The following OSGIN1 variants were observed in gnomAD, a reference collection of about 807,000 sequenced individuals.
OSGIN1 encodes the protein oxidative stress induced growth inhibitor 1.
OSGIN1 carries 19 observed loss-of-function variants against 20.1 expected under a neutral mutation model. The observed-to-expected ratio is 0.95, with a 90% confidence interval of 0.66 to 1.39. The LOEUF is 1.39. Among genes scored for constraint, OSGIN1 ranks in the 40% most tolerant of loss-of-function variants. The pLI is 0.00. For synonymous variants in OSGIN1, 368 were observed against 297.8 expected (o/e 1.24, Z -2.43); for missense variants, 820 against 653.0 (o/e 1.26, Z -2.79).
At chr16:83,956,126 A>G (rs1908915147) in intron 1 of OSGIN1, among the ~76,000 whole-genome samples, 1 of 152,202 alleles carries the variant, frequency 6.6e-6, no homozygotes, top group African/African-American at 2.4e-5. Flanking sequence ...TGCAAACTGT[A>G]GAGTGCTCTG....
Position 83,965,365 on chromosome 16 carries a change from C to A in OSGIN1, c.792C>A (p.Phe264Leu). The change falls in exon 6 of 6, where the codon TTC becomes TTA. Residue 264 changes from phenylalanine (F) to leucine (L), a missense_variant. Phe to Leu is a conservative substitution (Grantham distance 22). Transcript: ENST00000393306. The part of the protein sequence containing the change: ...RLGIPGEALP[F>L]IHHELSALEA... ...GCATCCCCGGGGAGGCCCTGCCCTT[C>A]ATCCACCATGAGCTGTCTGCCCTGG... 6.4e-7 allele frequency: 1 copy of A among 1,572,236 alleles called. No homozygotes were observed. The highest frequency in any genetic ancestry group is 8.6e-7 in the Non-Finnish European group (1 of 1,161,768).
intron 5 of OSGIN1, among the ~76,000 whole-genome samples, chr16:83,964,315 A>T (rs2084251588): frequency 6.7e-6 from 1 of 148,558 alleles, no homozygotes; most frequent in African/African-American, 2.6e-5. Context: ...AAAAATTAAA[A>T]TAAAATAAAA....
At chr16:83,958,985 G>C (rs1266551626) in intron 2 of OSGIN1, among the ~76,000 whole-genome samples, 1 of 152,182 alleles carries the variant, frequency 6.6e-6, no homozygotes, top group African/African-American at 2.4e-5. Context: ...AGGAGGAAAA[G>C]AGTGGCACTT....
chr16:83,961,006 T>A lies in OSGIN1; in HGVS notation c.422T>A (p.Leu141Gln). 5.0e-6 allele frequency: 8 copies of A among 1,613,634 alleles called. No individual in the cohort carries two copies. Among genetic ancestry groups the A allele is most frequent in the Non-Finnish European group, 6.8e-6 (8 of 1,179,966 alleles). ...TCCATCGAAGGCTCCATGGTGATCC[T>A]GAGCCAAGGCCAGTGGATGGGGCTC... ...WHSIEGSMVILSQGQWMGLPD... is the reference protein window; with the variant it reads ...WHSIEGSMVIQSQGQWMGLPD... The change falls in exon 5 of 6, where the codon CTG becomes CAG. Residue 141 changes from leucine (L) to glutamine (Q), a missense_variant. Coordinates refer to ENST00000393306, the MANE Select transcript of OSGIN1 (RefSeq NM_182981.3).
chr16:83,966,132 G>A lies in OSGIN1; in HGVS notation c.*125G>A. 1.3e-6 allele frequency: 1 copy of A among 774,810 alleles called. No individual in the cohort carries two copies. Among genetic ancestry groups the A allele is most frequent in the Non-Finnish European group, 2.0e-6 (1 of 497,730 alleles). The allele number at this position is 774,810 out of a possible 1,614,324, so 48.0% of individuals were successfully genotyped here. ...GTCAGCCCACGTTGCTGGCCTTTGG[G>A]GTCAAGAGGAGTAGGGATCCCAGGC... On this transcript the variant is annotated 3_prime_UTR_variant, in exon 6 of 6. Coordinates refer to ENST00000393306, the MANE Select transcript of OSGIN1 (RefSeq NM_182981.3).
rs1303443398 is a variant in OSGIN1, at chr16:83,953,505, C to T, written c.-33+135C>T. On this transcript the variant is annotated intron_variant, in intron 1 of 5. Coordinates refer to ENST00000393306, the MANE Select transcript of OSGIN1 (RefSeq NM_182981.3). ...TCCCGGGTGGTCCTGAGTGGAGGCC[C>T]TCGCCTGGGTTCTCTGGAGCCCGGC... The T allele has an allele frequency of 9.3e-5, 62 of 667,766 alleles. No individual in the cohort carries two copies. The South Asian group carries it at 1.0e-3, about 11-fold the overall frequency. The allele number at this position is 667,766 out of a possible 1,614,324, so 41.4% of individuals were successfully genotyped here. A position where few individuals can be genotyped will look rare whatever the true frequency, so the allele number is the denominator to read the frequency against.
chr16:83,961,880 C>T (rs917638246), intron 5 of OSGIN1, among the ~76,000 whole-genome samples: 5 of 152,218 alleles, frequency 3.3e-5, no homozygotes, highest in African/African-American at 1.2e-4. Context: ...CTTGTGGTCT[C>T]CCTTCAGCCC....
rs768729043 is a variant in OSGIN1, at chr16:83,957,722, C to T, written c.51C>T (p.Leu17=). 1.3e-6 allele frequency: 2 copies of T among 1,597,764 alleles called. No individual in the cohort carries two copies. Among genetic ancestry groups the T allele is most frequent in the Admixed American group, 3.4e-5 (2 of 58,324 alleles). Residue 17 remains leucine (L), a synonymous_variant, in exon 2 of 6, where the codon CTC becomes CTT. Transcript: ENST00000393306. ...DHLGASSSEP[L]PVIIVGNGPS... ...TCGGCGCCAGCAGCTCAGAGCCCCT[C>T]CCGGTCATCATTGTGGGTGAGTGTC...
chr16:83,960,774 C>T lies in OSGIN1; in HGVS notation c.396+14C>T, dbSNP rs200491412. 62 of 1,611,174 alleles carry T rather than the reference C, an allele frequency of 3.8e-5. No individual in the cohort carries two copies. Among genetic ancestry groups the T allele is most frequent in the Middle Eastern group, 1.7e-4 (1 of 6,056 alleles). On this transcript the variant is annotated intron_variant, in intron 4 of 5. Transcript: ENST00000393306. ...GGAGCCTGGCACGTGAGTGGGGCAG[C>T]GAGGGCATGGCTTGTGGGGGGCTCT...
intron 2 of OSGIN1, among the ~76,000 whole-genome samples, chr16:83,958,669 G>GA (rs1238010115): frequency 6.6e-6 from 1 of 152,214 alleles, no homozygotes; most frequent in East Asian, 1.9e-4. Flanking sequence ...TGTGCCTGGT[G>GA]AATCGCCCAG....
chr16:83,953,352 C>T lies in OSGIN1; in HGVS notation c.-51C>T. The T allele has an allele frequency of 1.6e-6, 2 of 1,288,948 alleles. No homozygotes were observed. The highest frequency in any genetic ancestry group is 2.0e-6 in the Non-Finnish European group (2 of 988,580). 79.8% of individuals were successfully genotyped at this position (1,288,948 alleles called of 1,614,324 possible). Reference sequence around the variant, plus strand: ...CAACTTGGCCGGGCTCACTGGGCTCCTGCACCACTGCCTGTCAGGTGAGTG... The same window carrying T: ...CAACTTGGCCGGGCTCACTGGGCTCTTGCACCACTGCCTGTCAGGTGAGTG... On this transcript the variant is annotated 5_prime_UTR_variant, in exon 1 of 6. Transcript: ENST00000393306.
At chr16:83,958,025 T>C (rs865954724) in intron 2 of OSGIN1, among the ~76,000 whole-genome samples, 3 of 152,070 alleles carry the variant, frequency 2.0e-5, no homozygotes, top group Admixed American at 6.5e-5. Flanking sequence ...TACAGGTGCA[T>C]GCCACCATGC....
At chr16:83,964,713 T>C (rs2084255460) in intron 5 of OSGIN1, among the ~76,000 whole-genome samples, 1 of 152,088 alleles carries the variant, frequency 6.6e-6, no homozygotes, top group Non-Finnish European at 1.5e-5. Flanking sequence ...GCCACCAACA[T>C]CTTCCTCATT....
chr16:83,960,074 G>C (rs797015081), intron 3 of OSGIN1, among the ~76,000 whole-genome samples: 38 of 152,220 alleles, frequency 2.5e-4, no homozygotes, highest in African/African-American at 8.2e-4. Context: ...AATAGGTCTT[G>C]ACCATTTGAT....
At position 83,966,123 on chromosome 16, in the gene OSGIN1, G is replaced by A. The variant is rs889507034; in HGVS notation, c.*116G>A. On this transcript the variant is annotated 3_prime_UTR_variant, in exon 6 of 6. Coordinates refer to ENST00000393306, the MANE Select transcript of OSGIN1 (RefSeq NM_182981.3). ...GGGAGGGGTGTCAGCCCACGTTGCT[G>A]GCCTTTGGGGTCAAGAGGAGTAGGG... 4.8e-6 allele frequency: 4 copies of A among 835,194 alleles called. No homozygotes were observed. The highest frequency in any genetic ancestry group is 5.4e-5 in the East Asian group (2 of 37,294). The allele number at this position is 835,194 out of a possible 1,614,324, so 51.7% of individuals were successfully genotyped here.
intron 5 of OSGIN1, among the ~76,000 whole-genome samples, 157 bp from the exon 6 acceptor site, chr16:83,964,905 G>T (rs764760751): frequency 2.0e-5 from 3 of 152,256 alleles, no homozygotes; most frequent in Middle Eastern, 3.4e-3. Context: ...CAGAAGAGGA[G>T]ACTGAGGCTT....
At chr16:83,954,943 C>T (rs824402) in intron 1 of OSGIN1, among the ~76,000 whole-genome samples, 32,359 of 152,110 alleles carry the variant, frequency 0.21, 5,257 homozygotes, top group African/African-American at 0.45. Flanking sequence ...TTGGCTCACT[C>T]GTTTGGTGAA....
At position 83,965,496 on chromosome 16, in the gene OSGIN1, A is replaced by G. The variant is rs759754041; in HGVS notation, c.923A>G (p.Asn308Ser). The G allele has an allele frequency of 1.4e-5, 22 of 1,611,320 alleles. No homozygotes were observed. In the South Asian group the frequency reaches 1.6e-4, roughly 12 times the overall value. Reference sequence around the variant, plus strand: ...GCGGTCCTCTACGCCCGCCACTACAACATCCCGGTGATCCATGCCTTCCGC... The same window carrying G: ...GCGGTCCTCTACGCCCGCCACTACAGCATCCCGGTGATCCATGCCTTCCGC... Reference protein sequence around the residue: ...ADAVLYARHYNIPVIHAFRRA... With the variant: ...ADAVLYARHYSIPVIHAFRRA... The change falls in exon 6 of 6, where the codon AAC becomes AGC. Residue 308 changes from asparagine (N) to serine (S), a missense_variant. Transcript: ENST00000393306.
At position 83,965,825 on chromosome 16, in the gene OSGIN1, C is replaced by T. The variant is rs2084273939; in HGVS notation, c.1252C>T (p.Gln418Ter). 3.7e-6 allele frequency: 6 copies of T among 1,613,064 alleles called. No homozygotes were observed. The highest frequency in any genetic ancestry group is 1.1e-5 in the South Asian group (1 of 91,082). The change falls in exon 6 of 6, where the codon CAG (glutamine) becomes TAG (stop). Residue 418 changes from glutamine (Q) to a stop codon, truncating the protein, a stop_gained. Coordinates refer to ENST00000393306, the MANE Select transcript of OSGIN1 (RefSeq NM_182981.3). LOFTEE classifies it low-confidence loss of function (END_TRUNC). ...AGADFAVDPD[Q>*]PLSAKRNPID... ...GGCTGACTTTGCAGTGGATCCTGAC[C>T]AGCCGCTGAGCGCCAAGAGGAACCC...
Sources: allele counts gnomAD v4.1 joint callset (sites outside exome capture counted in the v4.1 genomes callset), GRCh38; gene constraint gnomAD v4.1.1; transcripts MANE v1.5; gene names NCBI Gene and HGNC (gene_info 2026-07-23, HGNC 2026-07-21).